The following DIP2B variants were observed in gnomAD, a reference collection of about 807,000 sequenced individuals.
DIP2B encodes DIP2 acetate--CoA ligase B (putative).
A neutral mutation model predicts 198.0 loss-of-function variants in DIP2B; 76 were observed. That is an observed-to-expected ratio of 0.38 (90% CI 0.32 to 0.46). The LOEUF (loss-of-function observed/expected upper bound fraction) is 0.46. Ranked by LOEUF, DIP2B falls within the 20% of genes least tolerant of loss-of-function variation. The pLI is 0.99. For missense variants in DIP2B, 1,559 were observed against 1,978.4 expected, an observed-to-expected ratio of 0.79 and a Z score of 4.02; for synonymous variants, 701 against 739.1, an observed-to-expected ratio of 0.95 and a Z score of 0.84.
At chr12:50,625,850 TCCCCCCCC>T in intron 1 of DIP2B, 118 bp from the exon 2 acceptor site, 1 of 889,504 alleles carries the variant, frequency 1.1e-6, no homozygotes. Context: ...AACCATACAT[TCCCCCCCC>T]CAACCCCCTG....
chr12:50,507,696 C>T (rs1369348738), intron 1 of DIP2B, among the ~76,000 whole-genome samples: 1 of 152,102 alleles, frequency 6.6e-6, no homozygotes, highest in Admixed American at 6.6e-5. Context: ...TACTGCCGGG[C>T]TAATTTTTTT....
At chr12:50,643,262 C>T (rs1389769205) in intron 3 of DIP2B, among the ~76,000 whole-genome samples, 1 of 152,098 alleles carries the variant, frequency 6.6e-6, no homozygotes, top group African/African-American at 2.4e-5. Flanking sequence ...CTGTTTTGCA[C>T]CATTGCTTTT....
intron 5 of DIP2B, among the ~76,000 whole-genome samples, chr12:50,671,815 C>T (rs939045018): frequency 6.6e-6 from 1 of 152,194 alleles, no homozygotes; most frequent in African/African-American, 2.4e-5. Context: ...TATACTGAGC[C>T]AATATCAGTG....
intron 1 of DIP2B, among the ~76,000 whole-genome samples, chr12:50,611,022 A>ACT (rs1959027499): frequency 7.0e-6 from 1 of 142,086 alleles, no homozygotes; most frequent in South Asian, 2.2e-4. Context: ...CTGGTCTTGA[A>ACT]CTCCTGACCT....
chr12:50,644,567 G>A (rs1336765745), intron 3 of DIP2B, among the ~76,000 whole-genome samples: 2 of 152,200 alleles, frequency 1.3e-5, no homozygotes, highest in African/African-American at 4.8e-5. Context: ...GATGAATTGT[G>A]TGGTGTTCAG....
chr12:50,634,449 T>C (rs1427861575), intron 2 of DIP2B, among the ~76,000 whole-genome samples: 1 of 152,300 alleles, frequency 6.6e-6, no homozygotes, highest in East Asian at 1.9e-4. Flanking sequence ...CTTACAGGGG[T>C]TACTGACAAA....
chr12:50,590,923 G>A (rs1013106131), intron 1 of DIP2B, among the ~76,000 whole-genome samples: 13 of 152,212 alleles, frequency 8.5e-5, no homozygotes, highest in Non-Finnish European at 1.8e-4. Context: ...TTGCCAATGT[G>A]ATACTTTTAA....
chr12:50,686,036 A>G (rs1213885180), intron 11 of DIP2B, 80 bp downstream of exon 11: 1 of 1,411,432 alleles, frequency 7.1e-7, no homozygotes, highest in Non-Finnish European at 9.7e-7. Flanking sequence ...AGTAATAGCT[A>G]GGTACTTTAC....
At chr12:50,623,433 A>T (rs965617030) in intron 1 of DIP2B, among the ~76,000 whole-genome samples, 2,381 of 46,472 alleles carry the variant, frequency 0.051, 37 homozygotes, top group East Asian at 0.059. Flanking sequence ...ACACACACAC[A>T]CACACTCTCT....
intron 1 of DIP2B, among the ~76,000 whole-genome samples, chr12:50,543,636 TG>T (rs1235246656): frequency 3.3e-5 from 5 of 150,684 alleles, no homozygotes; most frequent in African/African-American, 1.2e-4. Context: ...AAATAGCACA[TG>T]TTGGGCCGGT....
At chr12:50,601,591 G>A (rs1958937131) in intron 1 of DIP2B, among the ~76,000 whole-genome samples, 1 of 152,048 alleles carries the variant, frequency 6.6e-6, no homozygotes, top group African/African-American at 2.4e-5. Flanking sequence ...GCCCACCTCG[G>A]CCTCCCAAAG....
At position 50,674,592 on chromosome 12, in the gene DIP2B, A is replaced by G. The variant is rs1938912963; in HGVS notation, c.759A>G (p.Lys253=). ...CGGGGATAGTTAAAGGCATGCACAA[A>G]GGATCCAACAGGTCCAGCCTTATGG... ...PPSGIVKGMH[K]GSNRSSLMDT... Residue 253 remains lysine, a synonymous_variant, in exon 6 of 38, where the codon AAA becomes AAG. Transcript: ENST00000301180. 1.9e-6 allele frequency: 3 copies of G among 1,614,218 alleles called. No individual in the cohort carries two copies. In the East Asian group the frequency reaches 6.7e-5, roughly 36 times the overall value.
intron 18 of DIP2B, among the ~76,000 whole-genome samples, 179 bp downstream of exon 18, chr12:50,698,646 T>C (rs1275092664): frequency 6.6e-6 from 1 of 152,232 alleles, no homozygotes; most frequent in South Asian, 2.1e-4. Context: ...CCAGCAGTAT[T>C]GTATGACTTA....
intron 4 of DIP2B, among the ~76,000 whole-genome samples, chr12:50,665,131 A>G (rs750685007): frequency 2.6e-5 from 4 of 152,004 alleles, no homozygotes; most frequent in Non-Finnish European, 4.4e-5. Flanking sequence ...ATGAGCCACC[A>G]CACCCTGCTC....
At chr12:50,656,739 T>G (rs1018603836) in intron 3 of DIP2B, among the ~76,000 whole-genome samples, 1 of 152,120 alleles carries the variant, frequency 6.6e-6, no homozygotes, top group African/African-American at 2.4e-5. Flanking sequence ...GCTCAGCTAA[T>G]TTTTGTATTT....
At chr12:50,681,944 A>G (rs569811372) in intron 9 of DIP2B, among the ~76,000 whole-genome samples, 2 of 152,372 alleles carry the variant, frequency 1.3e-5, no homozygotes, top group Admixed American at 6.5e-5. Context: ...AGGAAAATTC[A>G]GAAGTTCAAA....
chr12:50,558,486 G>C lies in DIP2B; in HGVS notation c.100+53246G>C, dbSNP rs531870221. 2.6e-5 allele frequency among the ~76,000 whole-genome samples: 4 copies of C among 152,278 alleles called. No individual in the cohort carries two copies. In the South Asian group the frequency reaches 8.3e-4, roughly 32 times the overall value. ...AGATGTGGAAATGGAGGTACTGAGA[G>C]GTGACTTGGTTTTCTTGAGGCCACA... On this transcript the variant is annotated intron_variant, in intron 1 of 37. Transcript: ENST00000301180.
At chr12:50,563,534 C>T (rs962849719) in intron 1 of DIP2B, among the ~76,000 whole-genome samples, 2 of 138,984 alleles carry the variant, frequency 1.4e-5, no homozygotes, top group Non-Finnish European at 3.0e-5. Flanking sequence ...CTCTATTGCT[C>T]AGGCTGAGTG....
At chr12:50,594,863 T>C (rs1423330518) in intron 1 of DIP2B, among the ~76,000 whole-genome samples, 1 of 152,238 alleles carries the variant, frequency 6.6e-6, no homozygotes, top group East Asian at 1.9e-4. Context: ...TTCACATTAC[T>C]AGTTTTTAGG....
Sources: allele counts gnomAD v4.1 joint callset (sites outside exome capture counted in the v4.1 genomes callset), GRCh38; gene constraint gnomAD v4.1.1; transcripts MANE v1.5; gene names NCBI Gene and HGNC (gene_info 2026-07-23, HGNC 2026-07-21).